The following PDZRN4 variants were observed in gnomAD, a reference collection of about 807,000 sequenced individuals.
The protein encoded by PDZRN4 is PDZ domain containing ring finger 4, also known as PDZ domain-containing RING finger protein 4.
PDZRN4 carries 70 observed loss-of-function variants against 99.0 expected under a neutral mutation model. The observed-to-expected ratio is 0.71, with a 90% CI of 0.58 to 0.86. The LOEUF is 0.86. PDZRN4 is among the 40% of genes least tolerant of loss of function. The probability of loss-of-function intolerance (pLI) is 0.00; values close to 1 mark genes in which losing one functional copy is unlikely to be tolerated. For synonymous variants in PDZRN4, 551 were observed against 501.6 expected (o/e 1.10, Z -1.32); for missense variants, 1,474 against 1,331.2 (o/e 1.11, Z -1.67).
At chr12:41,558,359 C>T (rs2120819429) in intron 7 of PDZRN4, among the ~76,000 whole-genome samples, 1 of 152,278 alleles carries the variant, frequency 6.6e-6, no homozygotes, top group Middle Eastern at 3.4e-3. Context: ...TTTTCTTACT[C>T]CTCCCTTGCT....
At chr12:41,551,118 A>G (rs1939045825) in intron 5 of PDZRN4, among the ~76,000 whole-genome samples, 1 of 152,124 alleles carries the variant, frequency 6.6e-6, no homozygotes, top group African/African-American at 2.4e-5. Context: ...ACAGTTCTAG[A>G]GTTTAGGAAG....
At chr12:41,341,605 G>C (rs4768345) in intron 3 of PDZRN4, among the ~76,000 whole-genome samples, 58,427 of 151,220 alleles carry the variant, frequency 0.39, 11,366 homozygotes, top group South Asian at 0.41. Flanking sequence ...ATAATAGCTA[G>C]CAAAAAAAAT....
At chr12:41,304,896 A>G (rs991754907) in intron 3 of PDZRN4, among the ~76,000 whole-genome samples, 2 of 152,230 alleles carry the variant, frequency 1.3e-5, no homozygotes, top group African/African-American at 4.8e-5. Context: ...ACTGCATAAC[A>G]TACTTCATAA....
intron 3 of PDZRN4, among the ~76,000 whole-genome samples, chr12:41,352,988 A>G (rs1397271022): frequency 6.6e-6 from 1 of 152,110 alleles, no homozygotes; most frequent in Admixed American, 6.6e-5. Context: ...GTGTTCTAAG[A>G]TAACTTCTTG....
chr12:41,444,951 T>G (rs1228703204), intron 3 of PDZRN4, among the ~76,000 whole-genome samples: 1 of 151,990 alleles, frequency 6.6e-6, no homozygotes, highest in Non-Finnish European at 1.5e-5. Flanking sequence ...AATAAATATT[T>G]TAATGATTAT....
intron 3 of PDZRN4, among the ~76,000 whole-genome samples, chr12:41,235,823 A>G (rs760817626): frequency 1.3e-5 from 2 of 152,224 alleles, no homozygotes; most frequent in Admixed American, 6.5e-5. Flanking sequence ...TCACAGGCAC[A>G]CCAAAAATAT....
chr12:41,557,148 CAAAAAAAAAAA>C (rs112787721), intron 7 of PDZRN4, among the ~76,000 whole-genome samples: 5 of 57,982 alleles, frequency 8.6e-5, no homozygotes, highest in East Asian at 3.6e-4. Flanking sequence ...GAGACACTCT[CAAAAAAAAAAA>C]AAAAAAAAAA....
chr12:41,296,026 G>C (rs140325242), intron 3 of PDZRN4, among the ~76,000 whole-genome samples: 1 of 152,020 alleles, frequency 6.6e-6, no homozygotes, highest in Non-Finnish European at 1.5e-5. Context: ...TAATTGAAAA[G>C]GATCTATGGT....
chr12:41,570,495 A>T (rs887903861), intron 9 of PDZRN4, among the ~76,000 whole-genome samples: 1 of 152,206 alleles, frequency 6.6e-6, no homozygotes, highest in Non-Finnish European at 1.5e-5. Context: ...GTTTCATTTT[A>T]CACAGTATGT....
intron 3 of PDZRN4, among the ~76,000 whole-genome samples, chr12:41,405,641 T>C (rs922470401): frequency 7.2e-5 from 11 of 152,166 alleles, no homozygotes; most frequent in African/African-American, 2.7e-4. Flanking sequence ...AAAAGACACA[T>C]GCGCTCATGT....
chr12:41,280,589 G>T (rs1041875150), intron 3 of PDZRN4, among the ~76,000 whole-genome samples: 20 of 152,282 alleles, frequency 1.3e-4, no homozygotes, highest in Middle Eastern at 3.4e-3. Context: ...TGTAAACAAA[G>T]CTACCAGGAA....
intron 3 of PDZRN4, chr12:41,437,685 G>T: frequency 2.4e-6 from 3 of 1,269,950 alleles, no homozygotes; most frequent in Non-Finnish European, 3.1e-6. Context: ...ATGCAGAGAC[G>T]GGGGAGTGTT....
intron 3 of PDZRN4, among the ~76,000 whole-genome samples, chr12:41,270,432 T>C: frequency 6.6e-6 from 1 of 152,006 alleles, no homozygotes; most frequent in South Asian, 2.1e-4. Flanking sequence ...TTAGAGAAAA[T>C]TGAATTCTAT....
chr12:41,438,149 C>T (rs1433132942), intron 3 of PDZRN4: 2 of 1,082,704 alleles, frequency 1.8e-6, no homozygotes, highest in East Asian at 5.0e-5. Context: ...TGGTTTGGGG[C>T]TTTTAATTTT....
chr12:41,556,793 G>C (rs1939173658), intron 7 of PDZRN4, among the ~76,000 whole-genome samples: 1 of 152,190 alleles, frequency 6.6e-6, no homozygotes, highest in Non-Finnish European at 1.5e-5. Flanking sequence ...CTGAAAGCCA[G>C]TTTCTATCCT....
chr12:41,498,403 A>T (rs1390564976), intron 3 of PDZRN4, among the ~76,000 whole-genome samples: 3 of 152,150 alleles, frequency 2.0e-5, no homozygotes, highest in African/African-American at 7.2e-5. Context: ...TGTGTTTCTC[A>T]CAGTTCTTGA....
chr12:41,304,468 C>A (rs1342000029), intron 3 of PDZRN4, among the ~76,000 whole-genome samples: 15 of 152,176 alleles, frequency 9.9e-5, no homozygotes, highest in Admixed American at 9.8e-4. Context: ...CCACTCAGTG[C>A]TCTCTTCCCA....
At chr12:41,511,501 G>A (rs560071056) in intron 5 of PDZRN4, among the ~76,000 whole-genome samples, 1 of 152,134 alleles carries the variant, frequency 6.6e-6, no homozygotes, top group South Asian at 2.1e-4. Flanking sequence ...TGATTCCGTT[G>A]CCAAAGGCTC....
intron 5 of PDZRN4, among the ~76,000 whole-genome samples, chr12:41,536,093 TG>T (rs1938744432): frequency 6.6e-6 from 1 of 152,216 alleles, no homozygotes; most frequent in East Asian, 1.9e-4. Flanking sequence ...CCTATGAAAC[TG>T]TCAACATTGA....
Sources: gnomAD v4.1 joint callset for allele counts (sites outside exome capture counted in the v4.1 genomes callset) on GRCh38, gnomAD v4.1.1 for gene constraint, MANE v1.5 for transcripts, NCBI Gene and HGNC (gene_info 2026-07-23, HGNC 2026-07-21) for gene names.